Variants in IGF2BP2 observed in about 807,000 individuals in gnomAD.
The protein encoded by IGF2BP2 is insulin-like growth factor 2 mRNA-binding protein 2.
Under a neutral mutation model 75.8 loss-of-function variants are expected in IGF2BP2, and 17 were observed. That is an observed-to-expected ratio of 0.22 (90% CI 0.15 to 0.34). The LOEUF (loss-of-function observed/expected upper bound fraction) is 0.34, where lower values mean the gene tolerates loss of function less well. Among genes scored for constraint, IGF2BP2 ranks in the 10% least tolerant of loss-of-function variants. The pLI is 1.00. For synonymous variants in IGF2BP2, 288 were observed against 295.6 expected, an observed-to-expected ratio of 0.97 and a Z score of 0.26; for missense variants, 516 against 772.4, an observed-to-expected ratio of 0.67 and a Z score of 3.93.
intron 2 of IGF2BP2, among the ~76,000 whole-genome samples, chr3:185,702,845 C>T (rs1723502755): frequency 6.6e-6 from 1 of 152,196 alleles, no homozygotes; most frequent in African/African-American, 2.4e-5. Flanking sequence ...CACCCTCAAA[C>T]AGAAGTAAAA....
chr3:185,810,323 A>C (rs146891093), intron 2 of IGF2BP2, among the ~76,000 whole-genome samples: 2 of 152,354 alleles, frequency 1.3e-5, no homozygotes, highest in Non-Finnish European at 2.9e-5. Flanking sequence ...ACAGAAGCAG[A>C]GTCCATATGG....
chr3:185,658,210 T>C (rs1715773439), intron 11 of IGF2BP2, 131 bp downstream of exon 11: 1 of 875,632 alleles, frequency 1.1e-6, no homozygotes, highest in Non-Finnish European at 1.9e-6. Context: ...CTTTGAGGTG[T>C]GTCACTCCCA....
At chr3:185,731,418 G>A (rs1728157369) in intron 2 of IGF2BP2, among the ~76,000 whole-genome samples, 1 of 151,630 alleles carries the variant, frequency 6.6e-6, no homozygotes, top group African/African-American at 2.4e-5. Context: ...GCTAATTTTT[G>A]TATTTTTAAT....
intron 2 of IGF2BP2, among the ~76,000 whole-genome samples, chr3:185,774,938 T>A (rs911749468): frequency 6.6e-6 from 1 of 151,782 alleles, no homozygotes; most frequent in African/African-American, 2.4e-5. Flanking sequence ...GAGAATCTCT[T>A]GAACCTGGGA....
intron 10 of IGF2BP2, among the ~76,000 whole-genome samples, chr3:185,666,140 C>T (rs979288213): frequency 1.3e-5 from 2 of 152,118 alleles, no homozygotes; most frequent in Non-Finnish European, 2.9e-5. Flanking sequence ...TACAGAAAGG[C>T]TTAGAAATTA....
At chr3:185,658,284 AAGTGGGCCTAGCCCCAGG>A in intron 11 of IGF2BP2, 39 bp downstream of exon 11, 1 of 1,507,076 alleles carries the variant, frequency 6.6e-7, no homozygotes. Flanking sequence ...ACCAAGGGCC[AAGTGGGCCTAGCCCCAGG>A]AGAAGTGGCA....
At chr3:185,669,695 G>A (rs1199819645) in intron 10 of IGF2BP2, among the ~76,000 whole-genome samples, 1 of 152,104 alleles carries the variant, frequency 6.6e-6, no homozygotes, top group Non-Finnish European at 1.5e-5. Flanking sequence ...ACCTTTGGAT[G>A]CTAAAAGCAA....
chr3:185,769,993 A>T (rs1733664869), intron 2 of IGF2BP2, among the ~76,000 whole-genome samples: 2 of 152,180 alleles, frequency 1.3e-5, no homozygotes, highest in African/African-American at 4.8e-5. Context: ...CTATAGCAGC[A>T]GCCACTGTAT....
intron 4 of IGF2BP2, among the ~76,000 whole-genome samples, chr3:185,693,441 G>A (rs974836404): frequency 6.6e-6 from 1 of 152,070 alleles, no homozygotes; most frequent in Non-Finnish European, 1.5e-5. Flanking sequence ...CACTGACAAG[G>A]TTGAACCATC....
intron 2 of IGF2BP2, among the ~76,000 whole-genome samples, chr3:185,792,178 C>A (rs143860182): frequency 1.3e-5 from 2 of 152,272 alleles, no homozygotes; most frequent in Admixed American, 1.3e-4. Flanking sequence ...ACAGTAAATC[C>A]TGTTAAAAAG....
At chr3:185,662,672 A>T (rs892757376) in intron 10 of IGF2BP2, among the ~76,000 whole-genome samples, 2 of 151,522 alleles carry the variant, frequency 1.3e-5, no homozygotes, top group Non-Finnish European at 2.9e-5. Context: ...CCTCCTGAGA[A>T]GCTGGGATTA....
intron 2 of IGF2BP2, among the ~76,000 whole-genome samples, chr3:185,804,232 G>A (rs560064360): frequency 1.4e-5 from 2 of 145,988 alleles, no homozygotes; most frequent in African/African-American, 2.5e-5. Context: ...CTCCAGCCTG[G>A]ACAACAGAGC....
chr3:185,757,848 C>T (rs1731844157), intron 2 of IGF2BP2, among the ~76,000 whole-genome samples: 1 of 152,192 alleles, frequency 6.6e-6, no homozygotes, highest in Non-Finnish European at 1.5e-5. Context: ...TAAATGATTG[C>T]TGATTGATTT....
At chr3:185,805,770 C>CTTT (rs1254141059) in intron 2 of IGF2BP2, among the ~76,000 whole-genome samples, 3 of 136,546 alleles carry the variant, frequency 2.2e-5, no homozygotes, top group Non-Finnish European at 3.2e-5. Flanking sequence ...TGAAGTAAAT[C>CTTT]TTTTTTTTTT....
chr3:185,658,528 T>G, intron 10 of IGF2BP2, 119 bp from the exon 11 acceptor site: 1 of 770,670 alleles, frequency 1.3e-6, no homozygotes, highest in Non-Finnish European at 2.2e-6. Flanking sequence ...GGCTCCACTG[T>G]CGTGTCTACA....
At chr3:185,654,012 T>C (rs1203243140) in intron 12 of IGF2BP2, among the ~76,000 whole-genome samples, 1 of 152,196 alleles carries the variant, frequency 6.6e-6, no homozygotes, top group Non-Finnish European at 1.5e-5. Flanking sequence ...ATAAGCCAGC[T>C]TCCATCCATG....
At chr3:185,670,075 T>TA (rs1332599751) in intron 10 of IGF2BP2, among the ~76,000 whole-genome samples, 1 of 152,240 alleles carries the variant, frequency 6.6e-6, no homozygotes, top group African/African-American at 2.4e-5. Context: ...GAAGCTACTC[T>TA]AATATTGACC....
At chr3:185,676,685 CTA>C (rs141381897) in intron 7 of IGF2BP2, among the ~76,000 whole-genome samples, 62 of 131,458 alleles carry the variant, frequency 4.7e-4, no homozygotes, top group Admixed American at 1.0e-3. Flanking sequence ...AAAACAACAA[CTA>C]TATATATATA....
chr3:185,816,250 A>G (rs1740588840), intron 2 of IGF2BP2, among the ~76,000 whole-genome samples: 1 of 152,178 alleles, frequency 6.6e-6, no homozygotes, highest in South Asian at 2.1e-4. Flanking sequence ...CAGGAACACA[A>G]CTGCCGAAAA....
Sources: allele counts gnomAD v4.1 joint callset (sites outside exome capture counted in the v4.1 genomes callset), GRCh38; gene constraint gnomAD v4.1.1; transcripts MANE v1.5; gene names NCBI Gene and HGNC (gene_info 2026-07-23, HGNC 2026-07-21).